The following CACNA1A variants were observed in gnomAD, a reference collection of about 807,000 sequenced individuals.
CACNA1A encodes the protein calcium voltage-gated channel subunit alpha1 A.
CACNA1A carries 57 observed loss-of-function variants against 262.4 expected under a neutral mutation model. That is an observed-to-expected ratio of 0.22 (90% CI 0.18 to 0.27). The LOEUF is 0.27. Among genes scored for constraint, CACNA1A ranks in the 10% least tolerant of loss-of-function variants. CACNA1A has a pLI of 1.00. For missense variants in CACNA1A, 2,526 were observed against 3,562.8 expected, an observed-to-expected ratio of 0.71 and a Z score of 7.41; for synonymous variants, 1,431 against 1,419.3, an observed-to-expected ratio of 1.01 and a Z score of -0.18.
chr19:13,276,173 G>A (rs543720816), intron 23 of CACNA1A, among the ~76,000 whole-genome samples: 1 of 152,304 alleles, frequency 6.6e-6, no homozygotes, highest in East Asian at 1.9e-4. Context: ...GCTCTGGCTT[G>A]CCGGCTCTTA....
At chr19:13,259,332 T>TGGG (rs2056662687) in intron 27 of CACNA1A, 1 of 107,140 alleles carries the variant, frequency 9.3e-6, no homozygotes, top group Non-Finnish European at 1.9e-5. Context: ...TTTTTTTTTT[T>TGGG]TTTTTTTTTT....
chr19:13,223,975 G>A (rs1020363656), intron 38 of CACNA1A, among the ~76,000 whole-genome samples: 1 of 152,080 alleles, frequency 6.6e-6, no homozygotes, highest in Non-Finnish European at 1.5e-5. Flanking sequence ...AGACCAGCCT[G>A]GGCAACCTGA....
intron 24 of CACNA1A, among the ~76,000 whole-genome samples, chr19:13,270,994 G>A (rs2057003823): frequency 6.6e-6 from 1 of 152,062 alleles, no homozygotes; most frequent in African/African-American, 2.4e-5. Context: ...TCTTGCATAA[G>A]AATTAAAACA....
intron 19 of CACNA1A, among the ~76,000 whole-genome samples, chr19:13,291,483 C>T (rs575829970): frequency 6.6e-6 from 1 of 151,980 alleles, no homozygotes; most frequent in East Asian, 1.9e-4. Context: ...AACAGCTGAG[C>T]TGGGCTCTCT....
intron 3 of CACNA1A, among the ~76,000 whole-genome samples, chr19:13,429,173 C>T (rs1349588565): frequency 1.0e-5 from 1 of 98,252 alleles, no homozygotes; most frequent in East Asian, 2.3e-4. Flanking sequence ...TGCGTACACA[C>T]ACACACACAC....
chr19:13,259,313 T>A lies in CACNA1A; in HGVS notation c.4388+251A>T, dbSNP rs996107140. On this transcript the variant is annotated intron_variant, in intron 27 of 46. Coordinates refer to ENST00000360228, the MANE Select transcript of CACNA1A (RefSeq NM_001127222.2). ...GGTGTGAGCCACCATGCCTGGCAGC[T>A]TTTTTTTTTTTTTTTTTTTTTTTTT... 148 of 78,364 alleles carry A rather than the reference T, an allele frequency of 1.9e-3. 1 individual carries two copies. Among genetic ancestry groups the A allele is most frequent in the Non-Finnish European group, 3.4e-3 (134 of 39,672 alleles). 4.9% of individuals were successfully genotyped at this position (78,364 alleles called of 1,614,324 possible).
intron 6 of CACNA1A, among the ~76,000 whole-genome samples, chr19:13,352,378 T>C (rs1188709985): frequency 7.0e-6 from 1 of 141,960 alleles, no homozygotes; most frequent in African/African-American, 2.7e-5. Context: ...CACTCCAGCC[T>C]GGGCAACAGA....
chr19:13,361,928 A>G (rs2059117863), intron 5 of CACNA1A: 2 of 151,946 alleles, frequency 1.3e-5, no homozygotes. Context: ...GTCTGGCTCA[A>G]TTCCCACCCT....
rs1220993293 is a variant in CACNA1A, at chr19:13,298,668, C to T, written c.2965G>A (p.Gly989Ser). Residue 989 changes from glycine (G) to serine (S), a missense_variant, in exon 19 of 47, where the codon GGC (glycine) becomes AGC (serine). Coordinates refer to ENST00000360228, the MANE Select transcript of CACNA1A (RefSeq NM_001127222.2). The part of the protein sequence containing the change: ...HREGSRPARG[G>S]EGEGEGPDGG... ...TCGGGGCCCTCGCCCTCGCCCTCGCCGCCCCGGGCCGGCCGGCTGCCCTCG... is the reference window on the plus strand; with the variant it reads ...TCGGGGCCCTCGCCCTCGCCCTCGCTGCCCCGGGCCGGCCGGCTGCCCTCG... The T allele has an allele frequency of 4.0e-6, 6 of 1,483,860 alleles. No homozygotes were observed. The highest frequency in any genetic ancestry group is 5.8e-5 in the East Asian group (2 of 34,338). 91.9% of individuals were successfully genotyped at this position (1,483,860 alleles called of 1,614,324 possible). A position where few individuals can be genotyped will look rare whatever the true frequency, so the allele number is the denominator to read the frequency against.
intron 3 of CACNA1A, among the ~76,000 whole-genome samples, chr19:13,439,605 G>A (rs1422454225): frequency 6.6e-6 from 1 of 151,502 alleles, no homozygotes; most frequent in Admixed American, 6.6e-5. Context: ...TAGAGACGGG[G>A]TTTCACCACG....
At chr19:13,387,944 G>A (rs534581972) in intron 3 of CACNA1A, among the ~76,000 whole-genome samples, 54 of 152,264 alleles carry the variant, frequency 3.5e-4, no homozygotes, top group Non-Finnish European at 6.6e-4. Context: ...GGCCCAAAAT[G>A]TGAATAGGCA....
At chr19:13,402,873 C>CACATATATATAT (rs1201892162) in intron 3 of CACNA1A, among the ~76,000 whole-genome samples, 12 of 72,822 alleles carry the variant, frequency 1.6e-4, no homozygotes, top group Non-Finnish European at 2.8e-4. Context: ...CACACACACA[C>CACATATATATAT]ATATATATAT....
At chr19:13,376,700 CAT>C (rs915715152) in intron 3 of CACNA1A, among the ~76,000 whole-genome samples, 10 of 146,398 alleles carry the variant, frequency 6.8e-5, no homozygotes, top group African/African-American at 1.3e-4. Context: ...ATATATGTTA[CAT>C]ATGATACACT....
At position 13,209,351 on chromosome 19, in the gene CACNA1A, A is replaced by C; in HGVS notation, c.6487T>G (p.Ser2163Ala). The C allele has an allele frequency of 1.4e-6, 2 of 1,385,390 alleles. No homozygotes were observed. The highest frequency in any genetic ancestry group is 1.9e-6 in the Non-Finnish European group (2 of 1,064,796). 85.8% of individuals were successfully genotyped at this position (1,385,390 alleles called of 1,614,324 possible). A position where few individuals can be genotyped will look rare whatever the true frequency, so the allele number is the denominator to read the frequency against. Residue 2163 changes from serine to alanine, a missense_variant, in exon 45 of 47, where the codon TCT (serine) becomes GCT (alanine). Around this residue, in one of 17 missense-constraint regions of CACNA1A, gnomAD observed 929 missense variants for 868.1 expected, o/e 1.07. Transcript: ENST00000360228. ...QRRRDRSHRA[S>A]ERSLGRYTDV... ...GTGTAGCGGCCCAGGGAGCGCTCAG[A>C]GGCGCGGTGGCTGCGGTCGCGGCGC...
intron 5 of CACNA1A, 102 bp downstream of exon 5, chr19:13,365,215 T>A (rs2059186615): frequency 9.7e-7 from 1 of 1,029,106 alleles, no homozygotes; most frequent in African/African-American, 1.6e-5. Flanking sequence ...GAGACGGTCC[T>A]CCCAGCTGCC....
chr19:13,261,268 T>C, intron 26 of CACNA1A, 182 bp downstream of exon 26: 1 of 566,922 alleles, frequency 1.8e-6, no homozygotes, highest in East Asian at 2.8e-5. Flanking sequence ...TGGCTCTGGG[T>C]GGTGACTCAA....
At chr19:13,231,441 C>A (rs546807319) in intron 35 of CACNA1A, among the ~76,000 whole-genome samples, 1 of 152,040 alleles carries the variant, frequency 6.6e-6, no homozygotes, top group Non-Finnish European at 1.5e-5. Flanking sequence ...GAACGGGTGG[C>A]GTGTGCTGCC....
chr19:13,267,036 C>T (rs942133221), intron 24 of CACNA1A, among the ~76,000 whole-genome samples: 10 of 151,854 alleles, frequency 6.6e-5, no homozygotes, highest in Non-Finnish European at 8.8e-5. Flanking sequence ...TCATTTGAAG[C>T]GACAGGACAG....
chr19:13,474,518 G>C (rs558590208), intron 1 of CACNA1A, among the ~76,000 whole-genome samples: 42 of 152,286 alleles, frequency 2.8e-4, no homozygotes, highest in Middle Eastern at 3.4e-3. Context: ...GATGTCAAGA[G>C]TTAAAAATGC....
Sources: gnomAD v4.1 joint callset for allele counts (sites outside exome capture counted in the v4.1 genomes callset) on GRCh38, gnomAD v4.1.1 for gene constraint, gnomAD v4.1.1 regional missense constraint, MANE v1.5 for transcripts, NCBI Gene and HGNC (gene_info 2026-07-23, HGNC 2026-07-21) for gene names.